Variants in PICALM observed in about 807,000 individuals in gnomAD.
PICALM encodes the protein phosphatidylinositol binding clathrin assembly protein.
A neutral mutation model predicts 80.5 loss-of-function variants in PICALM; 40 were observed. The observed-to-expected ratio is 0.50, with a 90% CI of 0.39 to 0.65. The LOEUF is 0.65. Among genes scored for constraint, PICALM ranks in the 30% least tolerant of loss-of-function variants. The pLI is 0.00. For missense variants in PICALM, 676 were observed against 778.9 expected (o/e 0.87, Z 1.57); for synonymous variants, 288 against 260.3 (o/e 1.11, Z -1.02).
chr11:86,015,986 T>G (rs774699243), intron 4 of PICALM, among the ~76,000 whole-genome samples: 14 of 152,252 alleles, frequency 9.2e-5, no homozygotes, highest in Non-Finnish European at 1.8e-4. Flanking sequence ...TAGTCACCTA[T>G]TGATCAGCTT....
chr11:86,023,328 A>G (rs2136538740), intron 3 of PICALM: 1 of 346,400 alleles, frequency 2.9e-6, no homozygotes, highest in Non-Finnish European at 4.1e-6. Flanking sequence ...ATTTAGCAAA[A>G]TATTTATTGA....
chr11:86,055,558 T>C (rs879722908), intron 1 of PICALM, among the ~76,000 whole-genome samples: 15 of 152,198 alleles, frequency 9.9e-5, no homozygotes, highest in Non-Finnish European at 1.3e-4. Context: ...GTCATGGAGA[T>C]TGCCATCAAG....
chr11:86,059,779 T>C (rs1426394234), intron 1 of PICALM, among the ~76,000 whole-genome samples: 3 of 152,160 alleles, frequency 2.0e-5, no homozygotes, highest in Admixed American at 6.6e-5. Context: ...AGGAATCATA[T>C]GTGCAAAGGC....
intron 3 of PICALM, among the ~76,000 whole-genome samples, chr11:86,025,275 G>C (rs887826193): frequency 6.6e-6 from 1 of 151,912 alleles, no homozygotes; most frequent in African/African-American, 2.4e-5. Context: ...TGACATGCGC[G>C]GGTAGTCCCA....
At chr11:85,978,108 G>C in intron 17 of PICALM, 1 of 1,608,406 alleles carries the variant, frequency 6.2e-7, no homozygotes, top group Non-Finnish European at 8.5e-7. Flanking sequence ...TTTTCCCAGG[G>C]AGAACAATTA....
chr11:85,965,815 G>GTTTTTTTTTTTTT (rs914561533), intron 19 of PICALM, among the ~76,000 whole-genome samples: 3 of 108,154 alleles, frequency 2.8e-5, no homozygotes, highest in African/African-American at 6.9e-5. Flanking sequence ...TTGTTTTTTT[G>GTTTTTTTTTTTTT]TTTTTTTTTT....
chr11:86,046,751 T>C (rs146295955), intron 1 of PICALM, among the ~76,000 whole-genome samples: 244 of 152,318 alleles, frequency 1.6e-3, no homozygotes, highest in African/African-American at 5.5e-3. Flanking sequence ...TCTTACTCTG[T>C]CACCCAGACT....
Position 85,958,905 on chromosome 11 carries a change from T to C in PICALM, c.*141A>G. The stretch of plus-strand genomic sequence containing the variant: ...TAGTCCCAATTTCCTTCATGGGCCT[T>C]CACTGAGTTACTTGTAGCATTCTAA... On this transcript the variant is annotated 3_prime_UTR_variant, in exon 20 of 20. Coordinates refer to ENST00000393346, the MANE Select transcript of PICALM (RefSeq NM_007166.4). The C allele has an allele frequency of 1.7e-6, 1 of 586,622 alleles. No individual in the cohort carries two copies. The highest frequency in any genetic ancestry group is 3.1e-6 in the Non-Finnish European group (1 of 323,146). 36.3% of individuals were successfully genotyped at this position (586,622 alleles called of 1,614,324 possible). A position where few individuals can be genotyped will look rare whatever the true frequency, so the allele number is the denominator to read the frequency against.
At chr11:86,010,126 GAACA>G (rs932358541) in intron 7 of PICALM, among the ~76,000 whole-genome samples, 1 of 152,008 alleles carries the variant, frequency 6.6e-6, no homozygotes, top group African/African-American at 2.4e-5. Context: ...GAGAATGGGA[GAACA>G]AACAAAAAAA....
At position 86,037,709 on chromosome 11, in the gene PICALM, G is replaced by C. The variant is rs144344582; in HGVS notation, c.131-6098C>G. Among the ~76,000 whole-genome samples, 472 of 150,454 alleles carry C rather than the reference G, an allele frequency of 3.1e-3. 4 individuals are homozygous for C. The highest frequency in any genetic ancestry group is 0.011 in the South Asian group (51 of 4,750). Reference sequence around the variant, plus strand: ...GCAAGACACTGTCTAAAAAAAAAAAGTTATGTATGTGTAATATTTTTTTGT... The same window carrying C: ...GCAAGACACTGTCTAAAAAAAAAAACTTATGTATGTGTAATATTTTTTTGT... On this transcript the variant is annotated intron_variant, in intron 1 of 19. Transcript: ENST00000393346.
rs1320773346 is a variant in PICALM at position 85,986,423 on chromosome 11, A to G, written c.1409-2450T>C. ...TTTTGAGACGGAGTCTCGCTCTGTC[A>G]CCCAGGCCGGACTGCGGACTGCAGT... On this transcript the variant is annotated intron_variant, in intron 13 of 19. Coordinates refer to ENST00000393346, the MANE Select transcript of PICALM (RefSeq NM_007166.4). Among the ~76,000 whole-genome samples, 8 of 112,880 alleles carry G rather than the reference A, an allele frequency of 7.1e-5. No individual in the cohort carries two copies. The South Asian group carries it at 1.2e-3, about 17-fold the overall frequency. 74.1% of individuals were successfully genotyped at this position (112,880 alleles called of 152,430 possible). A position where few individuals can be genotyped will look rare whatever the true frequency, so the allele number is the denominator to read the frequency against.
chr11:86,056,067 C>T (rs146406051), intron 1 of PICALM, among the ~76,000 whole-genome samples: 1 of 138,462 alleles, frequency 7.2e-6, no homozygotes, highest in African/African-American at 2.7e-5. Context: ...ACCTGGGAGG[C>T]GAAGTTGCAG....
intron 1 of PICALM, among the ~76,000 whole-genome samples, chr11:86,039,038 G>A (rs1466172570): frequency 2.0e-5 from 3 of 151,390 alleles, no homozygotes; most frequent in Non-Finnish European, 4.4e-5. Flanking sequence ...TTGAATCTGG[G>A]AGGCAGAGGT....
intron 1 of PICALM, among the ~76,000 whole-genome samples, chr11:86,038,201 T>G (rs144881973): frequency 0.044 from 6,758 of 152,138 alleles, 218 homozygotes; most frequent in East Asian, 0.12. Context: ...ATGCTTGTAA[T>G]CCCAGCTACT....
intron 13 of PICALM, among the ~76,000 whole-genome samples, chr11:85,988,821 A>T (rs2094668543): frequency 6.6e-6 from 1 of 152,234 alleles, no homozygotes; most frequent in South Asian, 2.1e-4. Flanking sequence ...ATGAAGTATT[A>T]AAAAAACATA....
chr11:86,068,003 A>G (rs1368087356), intron 1 of PICALM, among the ~76,000 whole-genome samples: 1 of 152,248 alleles, frequency 6.6e-6, no homozygotes, highest in Non-Finnish European at 1.5e-5. Flanking sequence ...AAGTCGGGTA[A>G]CTGGGTATGG....
At chr11:86,007,036 G>C (rs1221730236) in intron 8 of PICALM, among the ~76,000 whole-genome samples, 2 of 152,084 alleles carry the variant, frequency 1.3e-5, no homozygotes, top group East Asian at 1.9e-4. Context: ...CAAAGTCACA[G>C]GGCCAGCTAA....
At chr11:85,968,944 C>T (rs1257332050) in intron 19 of PICALM, among the ~76,000 whole-genome samples, 1 of 133,252 alleles carries the variant, frequency 7.5e-6, no homozygotes, top group Non-Finnish European at 1.6e-5. Flanking sequence ...AGAAAAATGA[C>T]TCAACACACA....
At chr11:86,067,114 CA>C (rs967622560) in intron 1 of PICALM, among the ~76,000 whole-genome samples, 2 of 152,268 alleles carry the variant, frequency 1.3e-5, no homozygotes, top group African/African-American at 4.8e-5. Flanking sequence ...TTCTGTGTAG[CA>C]AAAACTTGTT....
Sources: gnomAD v4.1 joint callset for allele counts (sites outside exome capture counted in the v4.1 genomes callset) on GRCh38, gnomAD v4.1.1 for gene constraint, MANE v1.5 for transcripts, NCBI Gene and HGNC (gene_info 2026-07-23, HGNC 2026-07-21) for gene names.